Variants in TLE1 observed in about 807,000 individuals in gnomAD.
TLE1 encodes TLE family member 1, transcriptional corepressor.
TLE1 carries 21 observed loss-of-function variants against 89.8 expected under a neutral mutation model. The observed-to-expected ratio is 0.23, with a 90% CI of 0.17 to 0.34. The LOEUF is 0.34. Ranked by LOEUF, TLE1 falls within the 10% of genes least tolerant of loss-of-function variation. The pLI, the probability that TLE1 is intolerant of heterozygous loss-of-function variation, is 1.00. For missense variants in TLE1, 795 were observed against 1,031.2 expected, an observed-to-expected ratio of 0.77 and a Z score of 3.14; for synonymous variants, 447 against 407.6, an observed-to-expected ratio of 1.10 and a Z score of -1.16.
chr9:81,686,960 GGCTTT>G lies in TLE1; in HGVS notation c.125+369_125+373del, dbSNP rs994479731. The stretch of plus-strand genomic sequence containing the variant: ...GTATGGCAAACAGCGATTTCAACAT[GGCTTT>G]GCTTCCCTGAACCCACACTCCAGGA... On this transcript the variant is annotated intron_variant, in intron 2 of 19. Transcript: ENST00000376499. Among the ~76,000 whole-genome samples, 5 of 152,126 alleles carry G rather than the reference GGCTTT, an allele frequency of 3.3e-5. 1 individual carries two copies. Among genetic ancestry groups the G allele is most frequent in the Admixed American group, 3.3e-4 (5 of 15,260 alleles).
intron 6 of TLE1, among the ~76,000 whole-genome samples, chr9:81,650,430 CAT>C (rs1456318501): frequency 1.3e-5 from 2 of 152,186 alleles, no homozygotes; most frequent in African/African-American, 2.4e-5. Flanking sequence ...AACTGCTTTG[CAT>C]ATGTTTTCTT....
intron 6 of TLE1, among the ~76,000 whole-genome samples, chr9:81,644,781 G>A (rs1371279722): frequency 6.6e-6 from 1 of 151,924 alleles, no homozygotes; most frequent in Non-Finnish European, 1.5e-5. Context: ...ATCACCTGAG[G>A]TCAGGAGTTT....
At chr9:81,633,779 T>C (rs978228018) in intron 7 of TLE1, 1 of 479,764 alleles carries the variant, frequency 2.1e-6, no homozygotes, top group Non-Finnish European at 3.7e-6. Flanking sequence ...TTAACAACAT[T>C]ACTTTCTTTG....
intron 4 of TLE1, among the ~76,000 whole-genome samples, chr9:81,670,071 G>A (rs1832021616): frequency 6.6e-6 from 1 of 152,252 alleles, no homozygotes; most frequent in South Asian, 2.1e-4. Context: ...GGCCAACCCT[G>A]CAAATCATTT....
chr9:81,662,774 T>A (rs929736427), intron 4 of TLE1, among the ~76,000 whole-genome samples: 1 of 152,068 alleles, frequency 6.6e-6, no homozygotes, highest in Non-Finnish European at 1.5e-5. Context: ...GCTGAGGTGG[T>A]AGGGCTTTTA....
At chr9:81,682,252 CAAA>C (rs748984572) in intron 4 of TLE1, among the ~76,000 whole-genome samples, 7 of 97,334 alleles carry the variant, frequency 7.2e-5, no homozygotes, top group East Asian at 6.5e-4. Context: ...GATTCCATCT[CAAA>C]AAAAAAAAAA....
chr9:81,662,394 T>TGG (rs1357045547), intron 4 of TLE1, among the ~76,000 whole-genome samples: 1 of 144,540 alleles, frequency 6.9e-6, no homozygotes, highest in Admixed American at 6.9e-5. Flanking sequence ...TGTGTGTGTG[T>TGG]GTGTGTGTGT....
At chr9:81,671,436 G>A (rs6559632) in intron 4 of TLE1, among the ~76,000 whole-genome samples, 51,828 of 151,674 alleles carry the variant, frequency 0.34, 9,362 homozygotes, top group East Asian at 0.55. Context: ...CACAAGGTCA[G>A]GAGTTCAAGA....
rs906637381 is a variant in TLE1, at chr9:81,688,330, G to C, written c.-90C>G. 3.6e-6 allele frequency: 5 copies of C among 1,382,038 alleles called. No homozygotes were observed. In the African/African-American group the frequency reaches 7.7e-5, roughly 21 times the overall value. 85.6% of individuals were successfully genotyped at this position (1,382,038 alleles called of 1,614,324 possible). A position where few individuals can be genotyped will look rare whatever the true frequency, so the allele number is the denominator to read the frequency against. On this transcript the variant is annotated 5_prime_UTR_variant, in exon 1 of 20. Transcript: ENST00000376499. Reference sequence around the variant, plus strand: ...AATCCCGCCGAGGAAAATTAAGCCGGAAAGCCAAGCAGAAGCGGGGAGCGC... The same window carrying C: ...AATCCCGCCGAGGAAAATTAAGCCGCAAAGCCAAGCAGAAGCGGGGAGCGC...
At position 81,590,856 on chromosome 9, in the gene TLE1, C is replaced by T; in HGVS notation, c.1778G>A (p.Cys593Tyr). Residue 593 changes from cysteine to tyrosine, a missense_variant, in exon 16 of 20, where the codon TGC becomes TAC. By Grantham distance (194) the Cys-to-Tyr change is radical (BLOSUM62 -2). Coordinates refer to ENST00000376499, the MANE Select transcript of TLE1 (RefSeq NM_005077.5). ...SPDSKVCFSC[C>Y]SDGNIAVWDL... ...CCACACAGCGATGTTGCCGTCGCTGCAGCATGAGAAGCAGACCTTGGAATC... is the reference window on the plus strand; with the variant it reads ...CCACACAGCGATGTTGCCGTCGCTGTAGCATGAGAAGCAGACCTTGGAATC... 6.2e-7 allele frequency: 1 copy of T among 1,614,242 alleles called. No homozygotes were observed. The highest frequency in any genetic ancestry group is 1.7e-4 in the Middle Eastern group (1 of 6,058).
intron 6 of TLE1, among the ~76,000 whole-genome samples, chr9:81,649,348 C>T (rs930093339): frequency 3.9e-5 from 6 of 152,088 alleles, no homozygotes; most frequent in African/African-American, 1.4e-4. Flanking sequence ...TCTGTCTCCT[C>T]GAAGAGCACC....
At chr9:81,667,334 T>C (rs1831599556) in intron 4 of TLE1, among the ~76,000 whole-genome samples, 1 of 140,660 alleles carries the variant, frequency 7.1e-6, no homozygotes, top group Non-Finnish European at 1.5e-5. Context: ...TGGCAGAAGT[T>C]GCAGTGAGCC....
chr9:81,637,647 T>TC (rs934961715), intron 6 of TLE1, among the ~76,000 whole-genome samples: 6 of 148,642 alleles, frequency 4.0e-5, no homozygotes, highest in East Asian at 2.0e-4. Context: ...AAAGTTTCTT[T>TC]TTTTTTTTTT....
intron 14 of TLE1, among the ~76,000 whole-genome samples, chr9:81,601,607 A>G (rs2131943128): frequency 6.6e-6 from 1 of 152,210 alleles, no homozygotes; most frequent in Middle Eastern, 3.4e-3. Flanking sequence ...GCCAGAAAAA[A>G]AAAAAAAAAG....
At chr9:81,589,487 C>T (rs1829150742) in intron 16 of TLE1, among the ~76,000 whole-genome samples, 1 of 152,164 alleles carries the variant, frequency 6.6e-6, no homozygotes, top group Non-Finnish European at 1.5e-5. Context: ...TTGTAAGACG[C>T]TACCCCATTC....
intron 14 of TLE1, among the ~76,000 whole-genome samples, chr9:81,599,696 T>C (rs1238007796): frequency 6.6e-6 from 1 of 152,182 alleles, no homozygotes; most frequent in Non-Finnish European, 1.5e-5. Flanking sequence ...CCATGACATC[T>C]ACAAAATTTT....
chr9:81,593,855 T>C (rs937503965), intron 14 of TLE1, among the ~76,000 whole-genome samples: 3 of 152,188 alleles, frequency 2.0e-5, no homozygotes, highest in Admixed American at 1.3e-4. Flanking sequence ...ACAGAGATTT[T>C]AGGTTTCCTA....
chr9:81,618,722 T>A (rs1371549644), intron 9 of TLE1, among the ~76,000 whole-genome samples: 1 of 152,154 alleles, frequency 6.6e-6, no homozygotes, highest in Non-Finnish European at 1.5e-5. Context: ...GTTTCTCTTC[T>A]AAAAAGAAAA....
intron 4 of TLE1, among the ~76,000 whole-genome samples, chr9:81,672,916 A>G (rs1832406024): frequency 6.6e-6 from 1 of 152,166 alleles, no homozygotes; most frequent in Non-Finnish European, 1.5e-5. Context: ...ACTTAAAGCT[A>G]TTGCCTTCCA....
Sources: gnomAD v4.1 joint callset for allele counts (sites outside exome capture counted in the v4.1 genomes callset) on GRCh38, gnomAD v4.1.1 for gene constraint, MANE v1.5 for transcripts, NCBI Gene and HGNC (gene_info 2026-07-23, HGNC 2026-07-21) for gene names.